Variants in KIR3DL2 observed in about 807,000 individuals in gnomAD.
The protein encoded by KIR3DL2 is killer cell immunoglobulin-like receptor 3DL2.
A neutral mutation model predicts 41.6 loss-of-function variants in KIR3DL2; 42 were observed. That is an observed-to-expected ratio of 1.01 (90% CI 0.79 to 1.31). KIR3DL2 has a LOEUF of 1.31. Among genes scored for constraint, KIR3DL2 ranks in the 50% most tolerant of loss-of-function variants. KIR3DL2 has a pLI of 0.00. For missense variants in KIR3DL2, 728 were observed against 576.8 expected, an observed-to-expected ratio of 1.26 and a Z score of -2.68; for synonymous variants, 230 against 221.3, an observed-to-expected ratio of 1.04 and a Z score of -0.35.
At chr19:54,857,789 G>T (rs1405009280) in intron 5 of KIR3DL2, among the ~76,000 whole-genome samples, 4 of 151,602 alleles carry the variant, frequency 2.6e-5, no homozygotes, top group African/African-American at 7.3e-5. Context: ...CAGGTGATCC[G>T]CCCACCTCCG....
Position 54,866,957 on chromosome 19 carries a change from C to G in KIR3DL2, c.*226C>G. On this transcript the variant is annotated 3_prime_UTR_variant, in exon 9 of 9. Coordinates refer to ENST00000326321, the MANE Select transcript of KIR3DL2 (RefSeq NM_006737.4). ...ATCTATTTCACTTGACCCCTGCCCA[C>G]CTCTCCAACCTAACTGGCTTACTTC... 1.7e-6 allele frequency: 1 copy of G among 591,102 alleles called. No homozygotes were observed. Among genetic ancestry groups the G allele is most frequent in the Non-Finnish European group, 2.9e-6 (1 of 339,266 alleles). The allele number at this position is 591,102 out of a possible 1,614,324, so 36.6% of individuals were successfully genotyped here.
intron 6 of KIR3DL2, among the ~76,000 whole-genome samples, chr19:54,865,434 G>A (rs370140895): frequency 3.3e-5 from 5 of 152,008 alleles, no homozygotes; most frequent in South Asian, 2.1e-4. Context: ...AGCCCTCCGG[G>A]AACTAATAGA....
At position 54,851,314 on chromosome 19, in the gene KIR3DL2, A is replaced by G. The variant is rs977233547; in HGVS notation, c.70+59A>G. The G allele has an allele frequency of 3.6e-5, 56 of 1,565,366 alleles. 2 individuals carry two copies. In the African/African-American group the frequency reaches 7.5e-4, roughly 21 times the overall value. On this transcript the variant is annotated intron_variant, in intron 2 of 8. Transcript: ENST00000326321. Reference sequence around the variant, plus strand: ...CCCCACATAAGAGGATTTTTCTGAAACAGGAGGGAAGTCCTGTCGGGGAGT... The same window carrying G: ...CCCCACATAAGAGGATTTTTCTGAAGCAGGAGGGAAGTCCTGTCGGGGAGT...
intron 5 of KIR3DL2, among the ~76,000 whole-genome samples, 199 bp downstream of exon 5, chr19:54,856,111 G>GGGC (rs2064756503): frequency 6.6e-6 from 1 of 151,382 alleles, no homozygotes; most frequent in South Asian, 2.1e-4. Context: ...CCCATGGTCA[G>GGGC]GGCTCCAGGC....
rs748707392 is a variant in KIR3DL2 at position 54,850,450 on chromosome 19, G to A, written c.-26G>A. 3.4e-4 allele frequency: 541 copies of A among 1,608,252 alleles called. 2 individuals carry two copies. Among genetic ancestry groups the A allele is most frequent in the Non-Finnish European group, 2.6e-4 (310 of 1,179,856 alleles). On this transcript the variant is annotated 5_prime_UTR_variant, in exon 1 of 9. Coordinates refer to ENST00000326321, the MANE Select transcript of KIR3DL2 (RefSeq NM_006737.4). ...GCGCTGCTGAGCTGAGCTGGGGCGCGGCCTCCTGTCTGCACCGGCAGCACC... is the reference window on the plus strand; with the variant it reads ...GCGCTGCTGAGCTGAGCTGGGGCGCAGCCTCCTGTCTGCACCGGCAGCACC...
intron 6 of KIR3DL2, among the ~76,000 whole-genome samples, chr19:54,863,599 A>T (rs200375615): frequency 0.042 from 6,414 of 152,014 alleles, 175 homozygotes; most frequent in Middle Eastern, 0.092. Flanking sequence ...CATTTCTCTG[A>T]TGGCCAGTCA....
At chr19:54,859,613 T>A (rs2065032169) in intron 6 of KIR3DL2, among the ~76,000 whole-genome samples, 1 of 151,836 alleles carries the variant, frequency 6.6e-6, no homozygotes. Flanking sequence ...TTCGACTCAG[T>A]GACTCATTCA....
chr19:54,855,854 C>A lies in KIR3DL2; in HGVS notation c.891C>A (p.Phe297Leu), dbSNP rs2064722356. The change falls in exon 5 of 9, where the codon TTC becomes TTA. Residue 297 changes from phenylalanine to leucine, a missense_variant. Phe to Leu is a conservative substitution (Grantham distance 22). Coordinates refer to ENST00000326321, the MANE Select transcript of KIR3DL2 (RefSeq NM_006737.4). ...GGACCTACAGATGCTTCGGCTCTTT[C>A]CGTGCCCTGCCCTGCGTGTGGTCAA... is the stretch of plus-strand genomic sequence containing the variant. ...HGGTYRCFGS[F>L]RALPCVWSNS... is the part of the protein sequence containing the mutation. 6.2e-7 allele frequency: 1 copy of A among 1,613,468 alleles called. No individual in the cohort carries two copies.
intron 7 of KIR3DL2, 137 bp downstream of exon 7, chr19:54,866,046 G>A (rs1257308460): frequency 1.2e-6 from 1 of 834,848 alleles, no homozygotes; most frequent in Non-Finnish European, 1.9e-6. Context: ...GCTTTCTAGA[G>A]AGAGCACCAG....
At chr19:54,853,672 C>A in intron 3 of KIR3DL2, 75 bp from the exon 4 acceptor site, 19 of 1,523,760 alleles carry the variant, frequency 1.2e-5, no homozygotes, top group South Asian at 1.2e-4. Context: ...GGGAGGGGAA[C>A]CCTCACTCAT....
chr19:54,852,352 C>T, intron 3 of KIR3DL2, 70 bp downstream of exon 3: 1 of 1,570,756 alleles, frequency 6.4e-7, no homozygotes, highest in Non-Finnish European at 8.6e-7. Context: ...GTGGGGGTGT[C>T]CATCAGGGTC....
chr19:54,851,118 G>A lies in KIR3DL2; in HGVS notation c.35-102G>A, dbSNP rs372776449. On this transcript the variant is annotated intron_variant, in intron 1 of 8. Coordinates refer to ENST00000326321, the MANE Select transcript of KIR3DL2 (RefSeq NM_006737.4). Reference sequence around the variant, plus strand: ...AGCAGGGAGGCTAAGTTTACCTTCAGCCCAGCAAGGGCCTGGCTGCCAAGA... The same window carrying A: ...AGCAGGGAGGCTAAGTTTACCTTCAACCCAGCAAGGGCCTGGCTGCCAAGA... 34 of 1,452,048 alleles carry A rather than the reference G, an allele frequency of 2.3e-5. 2 individuals are homozygous for A. The East Asian group carries it at 7.1e-4, about 30-fold the overall frequency. 89.9% of individuals were successfully genotyped at this position (1,452,048 alleles called of 1,614,324 possible). A position where few individuals can be genotyped will look rare whatever the true frequency, so the allele number is the denominator to read the frequency against.
At chr19:54,859,446 G>A (rs1223111639) in intron 6 of KIR3DL2, among the ~76,000 whole-genome samples, 5 of 151,288 alleles carry the variant, frequency 3.3e-5, no homozygotes, top group Non-Finnish European at 5.9e-5. Context: ...CCGGGGGCTT[G>A]AGAGAGGGAA....
At chr19:54,858,794 A>G (rs1321924696) in intron 5 of KIR3DL2, among the ~76,000 whole-genome samples, 1 of 151,984 alleles carries the variant, frequency 6.6e-6, no homozygotes, top group Non-Finnish European at 1.5e-5. Flanking sequence ...ATTCTGTTCC[A>G]TTTTTTATGT....
chr19:54,861,175 A>G (rs2065150252), intron 6 of KIR3DL2, among the ~76,000 whole-genome samples: 1 of 150,282 alleles, frequency 6.7e-6, no homozygotes, highest in African/African-American at 2.4e-5. Context: ...GATATAAGAT[A>G]TGTTTGTGAG....
rs1381667738 is a variant in KIR3DL2 at position 54,852,002 on chromosome 19, T to A, written c.75T>A (p.Gly25=). The change falls in exon 3 of 9, where the codon GGT becomes GGA. Residue 25 remains glycine (G), a synonymous_variant. Coordinates refer to ENST00000326321, the MANE Select transcript of KIR3DL2 (RefSeq NM_006737.4). ...CAGTGCCTCCTTCTCCCCCAGGTGG[T>A]CAGGACAAACCCTTCCTGTCTGCCC... The part of the protein sequence containing the change: ...LLQGAWPLMG[G]QDKPFLSARP... 6.2e-7 allele frequency: 1 copy of A among 1,609,406 alleles called. No individual in the cohort carries two copies. The highest frequency in any genetic ancestry group is 8.5e-7 in the Non-Finnish European group (1 of 1,177,464).
Position 54,855,796 on chromosome 19 carries a change from C to A in KIR3DL2, c.833C>A (p.Ala278Glu), listed in dbSNP as rs2064712331. ...CCCAAGGTCAACAGAACATTCCAGG[C>A]AGACTTTCCTCTGGGCCCTGCCACC... ...AVPKVNRTFQ[A>E]DFPLGPATHG... Residue 278 changes from alanine (A) to glutamate (E), a missense_variant, in exon 5 of 9, where the codon GCA becomes GAA. Physicochemically the swap from Ala to Glu is moderately radical, Grantham distance 107. Transcript: ENST00000326321. 3.1e-6 allele frequency: 5 copies of A among 1,613,380 alleles called. No homozygotes were observed. In the South Asian group the frequency reaches 5.5e-5, roughly 18 times the overall value.
At chr19:54,858,222 A>G (rs651995) in intron 5 of KIR3DL2, among the ~76,000 whole-genome samples, 137,456 of 148,758 alleles carry the variant, frequency 0.92, 63,700 homozygotes, top group East Asian at 1. Flanking sequence ...AATGTCTTTC[A>G]TCAGACAAAT....
At position 54,852,206 on chromosome 19, in the gene KIR3DL2, C is replaced by A; in HGVS notation, c.279C>A (p.Tyr93Ter). ...TGACCCCAGCACATGCAGGGACCTA[C>A]AGATGTCGGGGTTCACGCCCACACT... The part of the protein sequence containing the change: ...GPVTPAHAGT[Y>*]RCRGSRPHSL... The change falls in exon 3 of 9, where the codon TAC becomes TAA. Residue 93 changes from tyrosine to a stop codon, truncating the protein, a stop_gained. Coordinates refer to ENST00000326321, the MANE Select transcript of KIR3DL2 (RefSeq NM_006737.4). LOFTEE classifies it high-confidence loss of function. The A allele has an allele frequency of 6.2e-7, 1 of 1,612,238 alleles. No homozygotes were observed. Among genetic ancestry groups the A allele is most frequent in the Non-Finnish European group, 8.5e-7 (1 of 1,179,196 alleles).
Sources: gnomAD v4.1 joint callset for allele counts (sites outside exome capture counted in the v4.1 genomes callset) on GRCh38, gnomAD v4.1.1 for gene constraint, MANE v1.5 for transcripts, NCBI Gene and HGNC (gene_info 2026-07-23, HGNC 2026-07-21) for gene names.